The following DUSP29 variants were observed in gnomAD, a reference collection of about 807,000 sequenced individuals.
DUSP29 encodes the protein atypical dual-specific protein phosphatase.
In DUSP29, 12 loss-of-function variants were observed where a neutral mutation model predicts 13.5. That is an observed-to-expected ratio of 0.89 (90% confidence interval 0.57 to 1.44). The LOEUF (loss-of-function observed/expected upper bound fraction) is 1.44. Ranked by LOEUF, DUSP29 falls within the 40% of genes most tolerant of loss-of-function variation. The pLI is 0.00. For missense variants in DUSP29, 308 were observed against 301.1 expected, an observed-to-expected ratio of 1.02 and a Z score of -0.17; for synonymous variants, 134 against 128.7, an observed-to-expected ratio of 1.04 and a Z score of -0.28.
chr10:75,041,035 G>A (rs970407102), intron 3 of DUSP29, among the ~76,000 whole-genome samples: 1 of 152,230 alleles, frequency 6.6e-6, no homozygotes, highest in Admixed American at 6.5e-5. Flanking sequence ...AAAGAACATA[G>A]ACAAGAGGAA....
At chr10:75,071,336 G>A (rs1017983050) in intron 1 of DUSP29, among the ~76,000 whole-genome samples, 2 of 152,214 alleles carry the variant, frequency 1.3e-5, no homozygotes. Context: ...CCTCGGGGCC[G>A]CAGTGTCTGG....
chr10:75,054,332 T>C (rs776483322), intron 2 of DUSP29, among the ~76,000 whole-genome samples: 1 of 152,234 alleles, frequency 6.6e-6, no homozygotes, highest in Non-Finnish European at 1.5e-5. Flanking sequence ...ACTGCAGTGT[T>C]GTTTATAAAA....
At chr10:75,066,019 C>G (rs1272371647) in intron 1 of DUSP29, among the ~76,000 whole-genome samples, 2 of 152,182 alleles carry the variant, frequency 1.3e-5, no homozygotes, top group Non-Finnish European at 2.9e-5. Flanking sequence ...GTGTGAGCCA[C>G]TTTGGCCTAT....
At chr10:75,065,690 A>ATT (rs55692734) in intron 1 of DUSP29, among the ~76,000 whole-genome samples, 3,349 of 143,984 alleles carry the variant, frequency 0.023, 135 homozygotes, top group African/African-American at 0.08. Flanking sequence ...CAATTTAAGG[A>ATT]TTTTTTTTTT....
chr10:75,037,978 A>C lies in DUSP29; in HGVS notation c.521T>G (p.Ile174Ser). 6.2e-7 allele frequency: 1 copy of C among 1,613,940 alleles called. No individual in the cohort carries two copies. Among genetic ancestry groups the C allele is most frequent in the Non-Finnish European group, 8.5e-7 (1 of 1,180,038 alleles). Residue 174 changes from isoleucine to serine, a missense_variant, in exon 4 of 4, where the codon ATC becomes AGC. Transcript: ENST00000338487. ...IHKDMTLVDA[I>S]QQVAKNRCVL... ...GCAGCGGTTCTTGGCCACTTGCTGG[A>C]TGGCGTCCACCAGGGTCATGTCCTT...
chr10:75,043,409 G>A (rs1846626970), intron 3 of DUSP29, among the ~76,000 whole-genome samples: 1 of 152,228 alleles, frequency 6.6e-6, no homozygotes, highest in Non-Finnish European at 1.5e-5. Context: ...TTGAAGGATG[G>A]CAAATGTTCT....
intron 1 of DUSP29, among the ~76,000 whole-genome samples, chr10:75,070,092 AG>A (rs1847296238): frequency 1.2e-5 from 1 of 83,562 alleles, no homozygotes; most frequent in Non-Finnish European, 2.3e-5. Flanking sequence ...GAAGGAAGGA[AG>A]GAAGGAAGGA....
intron 2 of DUSP29, 37 bp from the exon 3 acceptor site, chr10:75,044,054 G>T: frequency 1.9e-6 from 3 of 1,577,994 alleles, no homozygotes; most frequent in Non-Finnish European, 2.6e-6. Flanking sequence ...GGCGCGCGGC[G>T]CCCTGCCCCG....
chr10:75,037,742 G>A lies in DUSP29; in HGVS notation c.*94C>T. ...GATGGTTTGGAAGAGTCGAGCTTCG[G>A]TTTCACCATCCCTTCTCTGGAGTCC... On this transcript the variant is annotated 3_prime_UTR_variant, in exon 4 of 4. Transcript: ENST00000338487. 6.7e-7 allele frequency: 1 copy of A among 1,503,468 alleles called. No homozygotes were observed. The highest frequency in any genetic ancestry group is 8.8e-7 in the Non-Finnish European group (1 of 1,130,650). 93.1% of individuals were successfully genotyped at this position (1,503,468 alleles called of 1,614,324 possible).
chr10:75,073,042 A>C (rs1202136715), intron 1 of DUSP29, among the ~76,000 whole-genome samples: 8 of 132,964 alleles, frequency 6.0e-5, no homozygotes, highest in Non-Finnish European at 9.9e-5. Flanking sequence ...CCATCCTCCC[A>C]CCAGGACTGA....
chr10:75,038,854 C>T (rs1846526994), intron 3 of DUSP29, among the ~76,000 whole-genome samples: 3 of 152,152 alleles, frequency 2.0e-5, no homozygotes, highest in Admixed American at 2.0e-4. Flanking sequence ...CGCGGTGGCT[C>T]ACACCTGTAA....
intron 1 of DUSP29, 40 bp from the exon 2 acceptor site, chr10:75,058,588 A>G: frequency 6.5e-7 from 1 of 1,529,246 alleles, no homozygotes; most frequent in Non-Finnish European, 9.0e-7. Context: ...TTAGCAGGGG[A>G]CACTGAGGCA....
chr10:75,047,879 G>A (rs1400050789), intron 2 of DUSP29, among the ~76,000 whole-genome samples: 1 of 152,170 alleles, frequency 6.6e-6, no homozygotes, highest in East Asian at 1.9e-4. Flanking sequence ...GTTTCTCTAT[G>A]CATAGATTTG....
At chr10:75,043,443 G>A (rs1332046727) in intron 3 of DUSP29, among the ~76,000 whole-genome samples, 1 of 152,200 alleles carries the variant, frequency 6.6e-6, no homozygotes, top group African/African-American at 2.4e-5. Context: ...CGACCAAAAG[G>A]CCTTTTATTC....
intron 1 of DUSP29, among the ~76,000 whole-genome samples, chr10:75,062,858 G>C (rs1489024076): frequency 6.6e-6 from 1 of 152,210 alleles, no homozygotes; most frequent in East Asian, 1.9e-4. Flanking sequence ...CATAATGAGA[G>C]CTGGGCAGGC....
At chr10:75,054,866 G>A (rs1846920958) in intron 2 of DUSP29, among the ~76,000 whole-genome samples, 1 of 151,532 alleles carries the variant, frequency 6.6e-6, no homozygotes, top group African/African-American at 2.4e-5. Flanking sequence ...TTGAGACAGG[G>A]TCTCACTCTG....
At chr10:75,059,249 T>G (rs760464397) in intron 1 of DUSP29, among the ~76,000 whole-genome samples, 17 of 152,188 alleles carry the variant, frequency 1.1e-4, no homozygotes, top group Admixed American at 2.6e-4. Context: ...GACTGAAATG[T>G]GCATTTGGAG....
intron 3 of DUSP29, among the ~76,000 whole-genome samples, chr10:75,041,488 G>A (rs1003829468): frequency 6.6e-6 from 1 of 152,194 alleles, no homozygotes; most frequent in African/African-American, 2.4e-5. Flanking sequence ...CTCTGAAGGG[G>A]TACAGGGCTC....
chr10:75,047,116 G>A (rs770419739), intron 2 of DUSP29, among the ~76,000 whole-genome samples: 2 of 152,178 alleles, frequency 1.3e-5, no homozygotes, highest in African/African-American at 2.4e-5. Flanking sequence ...AAAGGGGCTC[G>A]TGAGGACCCT....
Sources: allele counts gnomAD v4.1 joint callset (sites outside exome capture counted in the v4.1 genomes callset), GRCh38; gene constraint gnomAD v4.1.1; transcripts MANE v1.5; gene names NCBI Gene and HGNC (gene_info 2026-07-23, HGNC 2026-07-21).